The following CCDC170 variants were observed in gnomAD, a reference collection of about 807,000 sequenced individuals.
CCDC170 encodes coiled-coil domain containing 170, also known as coiled-coil domain-containing protein 170.
A neutral mutation model predicts 72.6 loss-of-function variants in CCDC170; 69 were observed. The ratio of observed to expected loss-of-function variants is 0.95; its 90% CI spans 0.78 to 1.16. The LOEUF (loss-of-function observed/expected upper bound fraction) is 1.16, where lower values mean the gene tolerates loss of function less well. Among genes scored for constraint, CCDC170 ranks in the 50% most tolerant of loss-of-function variants. The pLI, the probability that CCDC170 is intolerant of heterozygous loss-of-function variation, is 0.00. For missense variants in CCDC170, 852 were observed against 832.5 expected (o/e 1.02, Z -0.29); for synonymous variants, 300 against 303.9 (o/e 0.99, Z 0.13).
intron 9 of CCDC170, among the ~76,000 whole-genome samples, chr6:151,605,866 C>T (rs1406632977): frequency 2.0e-5 from 3 of 150,366 alleles, no homozygotes; most frequent in East Asian, 2.0e-4. Flanking sequence ...CTTGGGGTTC[C>T]GGGGGACAGT....
rs113071517 is a variant in CCDC170, at chr6:151,522,154, C to T, written c.58-14164C>T. On this transcript the variant is annotated intron_variant, in intron 1 of 10. Transcript: ENST00000239374. The stretch of plus-strand genomic sequence containing the variant: ...CAGCCTGGGTGACAAGAGTGAAATT[C>T]CATGTCAAAAAAAAAAAATTTCACT... Among the ~76,000 whole-genome samples the T allele has an allele frequency of 3.3e-3, 501 of 151,698 alleles. 2 individuals carry two copies. The highest frequency in any genetic ancestry group is 0.012 in the African/African-American group (488 of 41,398).
At chr6:151,537,787 T>C (rs1286441908) in intron 2 of CCDC170, among the ~76,000 whole-genome samples, 1 of 152,178 alleles carries the variant, frequency 6.6e-6, no homozygotes, top group East Asian at 1.9e-4. Context: ...GCAATCAACA[T>C]CATAAATGTC....
chr6:151,503,134 G>A (rs1317999810), intron 1 of CCDC170, among the ~76,000 whole-genome samples: 1 of 152,074 alleles, frequency 6.6e-6, no homozygotes, highest in African/African-American at 2.4e-5. Context: ...CCGAGATCAC[G>A]CCGCTGCCCT....
At chr6:151,596,079 G>A (rs965205770) in intron 8 of CCDC170, among the ~76,000 whole-genome samples, 6 of 152,152 alleles carry the variant, frequency 3.9e-5, no homozygotes, top group African/African-American at 1.2e-4. Flanking sequence ...CATAATGTTA[G>A]AGAGCATCAG....
chr6:151,576,353 G>C (rs1401190223), intron 6 of CCDC170, among the ~76,000 whole-genome samples: 1 of 151,710 alleles, frequency 6.6e-6, no homozygotes, highest in Non-Finnish European at 1.5e-5. Flanking sequence ...ACACGTCTTT[G>C]TTGGGACACA....
chr6:151,544,848 CTG>C, intron 4 of CCDC170, 132 bp downstream of exon 4: 1 of 790,160 alleles, frequency 1.3e-6, no homozygotes, highest in South Asian at 2.4e-5. Context: ...TATTAATTAA[CTG>C]TATGACTTGG....
At chr6:151,512,308 T>C (rs945538915) in intron 1 of CCDC170, among the ~76,000 whole-genome samples, 10 of 151,802 alleles carry the variant, frequency 6.6e-5, no homozygotes, top group African/African-American at 1.7e-4. Flanking sequence ...TATAGATGTG[T>C]ACCACCACAC....
At chr6:151,556,447 C>T (rs150074681) in intron 5 of CCDC170, among the ~76,000 whole-genome samples, 3 of 152,248 alleles carry the variant, frequency 2.0e-5, no homozygotes, top group Non-Finnish European at 2.9e-5. Flanking sequence ...AAAGCGAGAC[C>T]CTGTCTCAAA....
At chr6:151,525,304 G>T (rs1444306325) in intron 1 of CCDC170, among the ~76,000 whole-genome samples, 2 of 152,140 alleles carry the variant, frequency 1.3e-5, no homozygotes, top group African/African-American at 4.8e-5. Flanking sequence ...CTGAGCCCAA[G>T]CTAAGCCATC....
At chr6:151,605,813 G>A (rs2115132936) in intron 9 of CCDC170, among the ~76,000 whole-genome samples, 1 of 152,062 alleles carries the variant, frequency 6.6e-6, no homozygotes, top group South Asian at 2.1e-4. Context: ...GCTATTGCTG[G>A]TGATAATCTT....
chr6:151,574,480 G>A (rs756743132), intron 6 of CCDC170, among the ~76,000 whole-genome samples: 1 of 152,122 alleles, frequency 6.6e-6, no homozygotes, highest in Non-Finnish European at 1.5e-5. Context: ...TGGGGCCCAC[G>A]GTGTTTTTGA....
intron 6 of CCDC170, among the ~76,000 whole-genome samples, chr6:151,577,113 A>T (rs1236201820): frequency 1.3e-5 from 2 of 152,104 alleles, no homozygotes; most frequent in Non-Finnish European, 2.9e-5. Context: ...TAGAAGCTTT[A>T]CTATATCTTA....
chr6:151,573,822 C>T (rs1776264321), intron 6 of CCDC170, among the ~76,000 whole-genome samples: 1 of 152,194 alleles, frequency 6.6e-6, no homozygotes, highest in African/African-American at 2.4e-5. Context: ...AAAGCTACCC[C>T]CATAATTCAA....
chr6:151,538,011 G>GTT (rs35795489), intron 2 of CCDC170, 34 bp from the exon 3 acceptor site: 153,614 of 1,352,760 alleles, frequency 0.11, 2,744 homozygotes, highest in East Asian at 0.37. Context: ...TGTTGTTAAG[G>GTT]TTTTTTTTTT....
At position 151,538,127 on chromosome 6, in the gene CCDC170, A is replaced by T; in HGVS notation, c.269A>T (p.Asn90Ile). ...GCTGAAATGGAGAGCTACAAGGAAA[A>T]CAATGCCAGAAAATCATCTCTCCTT... ...LKAEMESYKE[N>I]NARKSSLLTS... The change falls in exon 3 of 11, where the codon AAC becomes ATC. Residue 90 changes from asparagine to isoleucine, a missense_variant. Transcript: ENST00000239374. The T allele has an allele frequency of 6.2e-7, 1 of 1,614,046 alleles. No individual in the cohort carries two copies. Among genetic ancestry groups the T allele is most frequent in the Middle Eastern group, 1.7e-4 (1 of 6,058 alleles).
chr6:151,598,329 C>T (rs914394063), intron 9 of CCDC170, among the ~76,000 whole-genome samples: 2 of 152,182 alleles, frequency 1.3e-5, no homozygotes, highest in Admixed American at 1.3e-4. Flanking sequence ...GCCTAGATTG[C>T]ACCTCAATTC....
At chr6:151,564,541 T>A (rs1352136950) in intron 5 of CCDC170, among the ~76,000 whole-genome samples, 2 of 152,152 alleles carry the variant, frequency 1.3e-5, no homozygotes, top group Non-Finnish European at 1.5e-5. Flanking sequence ...TGGGCTATCA[T>A]AGTAGCAGTT....
At position 151,616,578 on chromosome 6, in the gene CCDC170, G is replaced by C. The variant is rs532185305; in HGVS notation, c.1947+899G>C. ...AAAGGAAACTTCTTCGGAATGAAAA[G>C]CTTTGGCCACATTGGAAAGGGTAGA... On this transcript the variant is annotated intron_variant, in intron 10 of 10. Transcript: ENST00000239374. 2.1e-4 allele frequency among the ~76,000 whole-genome samples: 32 copies of C among 152,238 alleles called. No homozygotes were observed. The South Asian group carries it at 6.6e-3, about 32-fold the overall frequency.
intron 3 of CCDC170, among the ~76,000 whole-genome samples, chr6:151,541,886 A>ATTT (rs547158203): frequency 8.6e-4 from 118 of 137,150 alleles, no homozygotes; most frequent in African/African-American, 3.2e-3. Context: ...ATATATATAT[A>ATTT]TTTTTTTTTT....
Sources: gnomAD v4.1 joint callset for allele counts (sites outside exome capture counted in the v4.1 genomes callset) on GRCh38, gnomAD v4.1.1 for gene constraint, MANE v1.5 for transcripts, NCBI Gene and HGNC (gene_info 2026-07-23, HGNC 2026-07-21) for gene names.